Variants in PPFIBP2 observed in about 807,000 individuals in gnomAD.
PPFIBP2 encodes liprin-beta-2.
A neutral mutation model predicts 118.3 loss-of-function variants in PPFIBP2; 118 were observed. The ratio of observed to expected loss-of-function variants is 1.00; its 90% confidence interval spans 0.86 to 1.16. The LOEUF is 1.16. PPFIBP2 is among the 50% of genes most tolerant of loss of function. PPFIBP2 has a pLI of 0.00. For synonymous variants in PPFIBP2, 414 were observed against 397.4 expected, an observed-to-expected ratio of 1.04 and a Z score of -0.50; for missense variants, 1,195 against 1,073.1, an observed-to-expected ratio of 1.11 and a Z score of -1.59.
At chr11:7,648,943 C>T in intron 19 of PPFIBP2, 32 bp downstream of exon 19, 1 of 1,568,712 alleles carries the variant, frequency 6.4e-7, no homozygotes. Context: ...TTAAGAATGT[C>T]TCTGGCAGCA....
At chr11:7,582,274 T>C (rs1857388543) in intron 3 of PPFIBP2, among the ~76,000 whole-genome samples, 1 of 152,170 alleles carries the variant, frequency 6.6e-6, no homozygotes, top group African/African-American at 2.4e-5. Context: ...AGAGAGGTTT[T>C]TCAATCCTAT....
chr11:7,551,336 G>A (rs10839805), intron 2 of PPFIBP2, among the ~76,000 whole-genome samples: 52,176 of 151,934 alleles, frequency 0.34, 9,279 homozygotes, highest in African/African-American at 0.44. Flanking sequence ...CCTCTTTGAT[G>A]GTTGTCAGGG....
intron 10 of PPFIBP2, 31 bp from the exon 11 acceptor site, chr11:7,630,894 C>G (rs776223039): frequency 6.7e-7 from 1 of 1,492,906 alleles, no homozygotes; most frequent in Non-Finnish European, 9.3e-7. Flanking sequence ...ATGAATTCAA[C>G]AATTCAGTCT....
rs1414415220 is a variant in PPFIBP2 at position 7,653,280 on chromosome 11, A to G, written c.*62A>G. On this transcript the variant is annotated 3_prime_UTR_variant, in exon 24 of 24. Coordinates refer to ENST00000299492, the MANE Select transcript of PPFIBP2 (RefSeq NM_003621.5). ...TCACAGTAACACTGTGTGTGTCACC[A>G]TATAACTGCACCTCACCCCCGCACG... 2.5e-6 allele frequency: 4 copies of G among 1,603,288 alleles called. No homozygotes were observed. The East Asian group carries it at 8.9e-5, about 36-fold the overall frequency.
chr11:7,591,309 A>G (rs1196683049), intron 3 of PPFIBP2, among the ~76,000 whole-genome samples: 3 of 151,824 alleles, frequency 2.0e-5, no homozygotes. Context: ...TGCCAGTGCT[A>G]GGTGGCTCCG....
intron 4 of PPFIBP2, among the ~76,000 whole-genome samples, chr11:7,596,547 C>T (rs1860345514): frequency 2.0e-5 from 3 of 152,096 alleles, no homozygotes; most frequent in Non-Finnish European, 4.4e-5. Context: ...CCTTTTTAAA[C>T]AGGCGCTTTA....
chr11:7,531,352 C>G (rs1220791270), intron 1 of PPFIBP2, among the ~76,000 whole-genome samples: 1 of 152,128 alleles, frequency 6.6e-6, no homozygotes, highest in African/African-American at 2.4e-5. Context: ...GCTCTTGGCC[C>G]TTGAATGCAG....
rs376341543 is a variant in PPFIBP2 at position 7,625,861 on chromosome 11, G to A, written c.796G>A (p.Ala266Thr). The A allele has an allele frequency of 6.2e-7, 1 of 1,614,240 alleles. No individual in the cohort carries two copies. The highest frequency in any genetic ancestry group is 1.1e-5 in the South Asian group (1 of 91,084). ...GCACAGCCAGCTCTCCCGGACAGCA[G>A]CTCTCCACAGTGAGAGTCACACAGA... ...RLHSQLSRTAALHSESHTERD... is the reference protein window; with the variant it reads ...RLHSQLSRTATLHSESHTERD... The change falls in exon 8 of 24, where the codon GCT becomes ACT. Residue 266 changes from alanine (A) to threonine (T), a missense_variant. By Grantham distance (58) the Ala-to-Thr change is moderately conservative (BLOSUM62 0). Transcript: ENST00000299492.
chr11:7,568,223 C>T (rs1855234588), intron 3 of PPFIBP2, among the ~76,000 whole-genome samples: 2 of 152,176 alleles, frequency 1.3e-5, no homozygotes, highest in African/African-American at 2.4e-5. Flanking sequence ...ACAAGATAGA[C>T]CACTAACAAG....
chr11:7,617,937 G>A lies in PPFIBP2; in HGVS notation c.619-2998G>A, dbSNP rs548618813. ...CCACACGGGGGTAACCTGGTCCTCT[G>A]TGACTTTGCTGATGGCAGGTGATGG... On this transcript the variant is annotated intron_variant, in intron 6 of 23. Transcript: ENST00000299492. 2.0e-5 allele frequency among the ~76,000 whole-genome samples: 3 copies of A among 152,206 alleles called. No individual in the cohort carries two copies. In the East Asian group the frequency reaches 5.8e-4, roughly 29 times the overall value.
At chr11:7,589,133 C>G (rs982748045) in intron 3 of PPFIBP2, among the ~76,000 whole-genome samples, 1 of 152,202 alleles carries the variant, frequency 6.6e-6, no homozygotes, top group African/African-American at 2.4e-5. Context: ...ATATGTAACA[C>G]AGCTTACCAT....
chr11:7,665,467 G>A, the PPFIBP2 span: 2 of 1,613,978 alleles, frequency 1.2e-6, no homozygotes, highest in South Asian at 1.1e-5. Flanking sequence ...CACACACCAG[G>A]ATGAGCGTGG....
intron 3 of PPFIBP2, among the ~76,000 whole-genome samples, chr11:7,592,681 C>G (rs1037799392): frequency 6.6e-6 from 1 of 152,126 alleles, no homozygotes; most frequent in Non-Finnish European, 1.5e-5. Context: ...TTCAGGGGAC[C>G]CTGGCATGAG....
chr11:7,641,621 G>C lies in PPFIBP2; in HGVS notation c.1517+1G>C. On this transcript the variant is annotated splice_donor_variant, in intron 16 of 23. Coordinates refer to ENST00000299492, the MANE Select transcript of PPFIBP2 (RefSeq NM_003621.5). LOFTEE classifies it high-confidence loss of function. ...AAGGCATTAAGAAGTTCTGGGGAAAGTAAGTTGGTGCCGTTGATCCTAATT... is the reference window on the plus strand; with the variant it reads ...AAGGCATTAAGAAGTTCTGGGGAAACTAAGTTGGTGCCGTTGATCCTAATT... 6.2e-7 allele frequency: 1 copy of C among 1,613,746 alleles called. No individual in the cohort carries two copies. The highest frequency in any genetic ancestry group is 8.5e-7 in the Non-Finnish European group (1 of 1,179,748).
chr11:7,584,188 G>T (rs1857702972), intron 3 of PPFIBP2, among the ~76,000 whole-genome samples: 3 of 152,210 alleles, frequency 2.0e-5, no homozygotes, highest in Admixed American at 6.5e-5. Context: ...GGCACCTAGT[G>T]GGTGCTCAGG....
At chr11:7,630,613 C>T (rs933311568) in intron 10 of PPFIBP2, among the ~76,000 whole-genome samples, 2 of 152,200 alleles carry the variant, frequency 1.3e-5, no homozygotes, top group African/African-American at 2.4e-5. Context: ...CACCTGGCCT[C>T]ACAGCCATCT....
chr11:7,571,517 A>G (rs938846594), intron 3 of PPFIBP2, among the ~76,000 whole-genome samples: 7 of 152,354 alleles, frequency 4.6e-5, no homozygotes, highest in Admixed American at 1.3e-4. Flanking sequence ...TCCAGAATGG[A>G]AAACAAAAGA....
the PPFIBP2 span, chr11:7,665,915 G>T: frequency 5.9e-6 from 9 of 1,535,890 alleles, no homozygotes; most frequent in African/African-American, 1.4e-5. Context: ...GCTCAGTAGG[G>T]TAGCGCCCTC....
the PPFIBP2 span, among the ~76,000 whole-genome samples, chr11:7,663,593 G>A: frequency 6.6e-6 from 1 of 152,222 alleles, no homozygotes; most frequent in African/African-American, 2.4e-5. Context: ...AGTTACTTCT[G>A]TCTTTTTGTT....
Sources: allele counts gnomAD v4.1 joint callset (sites outside exome capture counted in the v4.1 genomes callset), GRCh38; gene constraint gnomAD v4.1.1; transcripts MANE v1.5; gene names NCBI Gene and HGNC (gene_info 2026-07-23, HGNC 2026-07-21).